ANK3: variants seen among roughly 807,000 people sequenced by gnomAD.
The protein encoded by ANK3 is ankyrin-3.
Under a neutral mutation model 370.9 loss-of-function variants are expected in ANK3, and 57 were observed. The observed-to-expected ratio is 0.15, with a 90% confidence interval of 0.12 to 0.19. ANK3 has a LOEUF of 0.19. Ranked by LOEUF, ANK3 falls within the 10% of genes least tolerant of loss-of-function variation. ANK3 has a pLI of 1.00. For synonymous variants in ANK3, 1,929 were observed against 1,946.3 expected (o/e 0.99, Z 0.23); for missense variants, 4,439 against 5,302.1 (o/e 0.84, Z 5.06).
intron 2 of ANK3, among the ~76,000 whole-genome samples, chr10:60,491,147 T>C (rs1051483511): frequency 6.0e-5 from 9 of 150,910 alleles, no homozygotes; most frequent in African/African-American, 2.2e-4. Flanking sequence ...TAGTATTTCA[T>C]TCTATGAATA....
intron 25 of ANK3, among the ~76,000 whole-genome samples, chr10:60,134,006 TGACCTAGA>T: frequency 6.6e-6 from 1 of 152,308 alleles, no homozygotes; most frequent in South Asian, 2.1e-4. Context: ...GAAATAGATT[TGACCTAGA>T]GAAGAGAAAG....
intron 23 of ANK3, chr10:60,139,301 C>T: frequency 2.0e-6 from 1 of 506,168 alleles, no homozygotes; most frequent in East Asian, 3.2e-5. Flanking sequence ...GTAGCGGAAA[C>T]AACTCCTGGT....
chr10:60,406,455 A>G (rs2063458237), intron 2 of ANK3, among the ~76,000 whole-genome samples: 1 of 152,200 alleles, frequency 6.6e-6, no homozygotes, highest in Admixed American at 6.5e-5. Context: ...ATCAGGCATT[A>G]GTTAGATTCT....
chr10:60,249,810 A>G (rs982164952), intron 7 of ANK3, among the ~76,000 whole-genome samples: 1 of 152,108 alleles, frequency 6.6e-6, no homozygotes, highest in African/African-American at 2.4e-5. Flanking sequence ...GAGGCTGCCC[A>G]CTGAGCACCG....
At chr10:60,396,415 C>T (rs1233987638) in intron 2 of ANK3, among the ~76,000 whole-genome samples, 1 of 152,162 alleles carries the variant, frequency 6.6e-6, no homozygotes, top group Non-Finnish European at 1.5e-5. Context: ...TGAAGACTGA[C>T]TGGTTTCTCA....
At chr10:60,252,236 T>A (rs546712983) in intron 7 of ANK3, among the ~76,000 whole-genome samples, 1 of 152,128 alleles carries the variant, frequency 6.6e-6, no homozygotes, top group Non-Finnish European at 1.5e-5. Context: ...AAGAGCAATG[T>A]TTTTTTCACT....
chr10:60,690,113 C>T (rs1412753051), intron 1 of ANK3, among the ~76,000 whole-genome samples: 1 of 152,174 alleles, frequency 6.6e-6, no homozygotes, highest in African/African-American at 2.4e-5. Flanking sequence ...ATCTGAGGAT[C>T]GTTCCAAGAT....
rs1469870136 is a variant in ANK3, at chr10:60,075,041, A to G, written c.5840T>C (p.Ile1947Thr). The change falls in exon 37 of 44, where the codon ATT (isoleucine) becomes ACT (threonine). Residue 1947 changes from isoleucine (I) to threonine (T), a missense_variant. Ile to Thr is a moderately conservative substitution (Grantham distance 89). This residue lies in a region of ANK3 where 679 missense variants were observed against 791.0 expected (regional missense o/e 0.86). Transcript: ENST00000280772. ...TAAGTCTTCCTTTACTTTCTCTACAATTTTGAAAGGTTCTTCATCATCTAT... is the reference window on the plus strand; with the variant it reads ...TAAGTCTTCCTTTACTTTCTCTACAGTTTTGAAAGGTTCTTCATCATCTAT... Reference protein sequence around the residue: ...GRIDDEEPFKIVEKVKEDLVK... With the variant: ...GRIDDEEPFKTVEKVKEDLVK... The G allele has an allele frequency of 6.2e-7, 1 of 1,613,730 alleles. No homozygotes were observed. The highest frequency in any genetic ancestry group is 8.5e-7 in the Non-Finnish European group (1 of 1,179,970).
At chr10:60,142,225 A>G (rs1443366485) in intron 23 of ANK3, among the ~76,000 whole-genome samples, 1 of 152,134 alleles carries the variant, frequency 6.6e-6, no homozygotes, top group Non-Finnish European at 1.5e-5. Context: ...AGAAGTCCTT[A>G]AACTCTTTAG....
At chr10:60,375,143 T>C (rs555883017) in intron 1 of ANK3, among the ~76,000 whole-genome samples, 1 of 152,308 alleles carries the variant, frequency 6.6e-6, no homozygotes, top group African/African-American at 2.4e-5. Flanking sequence ...ACAATGGACA[T>C]CTATTTAGAT....
chr10:60,177,550 T>A (rs1338979159), intron 18 of ANK3, among the ~76,000 whole-genome samples: 2 of 151,992 alleles, frequency 1.3e-5, no homozygotes, highest in Non-Finnish European at 2.9e-5. Context: ...CTCCTGAATT[T>A]CCTGCTTCTC....
intron 29 of ANK3, 116 bp downstream of exon 29, chr10:60,088,031 C>G (rs1281413942): frequency 2.5e-6 from 2 of 801,266 alleles, no homozygotes; most frequent in African/African-American, 3.4e-5. Flanking sequence ...AAATGATTCC[C>G]CAAACGGCCT....
At chr10:60,230,673 G>A (rs1455009099) in intron 8 of ANK3, among the ~76,000 whole-genome samples, 3 of 152,080 alleles carry the variant, frequency 2.0e-5, no homozygotes, top group African/African-American at 4.8e-5. Context: ...GGCAGATCAC[G>A]AGGTCAGGAG....
chr10:60,589,395 A>G (rs980964335), intron 2 of ANK3, among the ~76,000 whole-genome samples: 1 of 152,232 alleles, frequency 6.6e-6, no homozygotes, highest in African/African-American at 2.4e-5. Context: ...CCTAAAATCC[A>G]AATGCCTAGT....
rs1189001667 is a variant in ANK3, at chr10:60,076,144, C to A, written c.4737G>T (p.Ser1579=). ...ATTGTGACACCACAGTTTTTATCGG[C>A]GAAGACATTGTCCGAAAGGATCTAA... ...SPIRSFRTMS[S]PIKTVVSQSP... Residue 1579 remains serine, a synonymous_variant, in exon 37 of 44, where the codon TCG becomes TCT. Transcript: ENST00000280772. The A allele has an allele frequency of 1.9e-6, 3 of 1,614,128 alleles. No homozygotes were observed. Among genetic ancestry groups the A allele is most frequent in the South Asian group, 1.1e-5 (1 of 91,082 alleles).
At chr10:60,733,364 T>A in exon 1 of ANK3, 4 of 1,226,832 alleles carry the variant, frequency 3.3e-6, no homozygotes, top group Non-Finnish European at 4.1e-6. Flanking sequence ...CTCCAGTCTC[T>A]CCTCCCCGTC....
chr10:60,496,426 C>T (rs776090865), intron 2 of ANK3, among the ~76,000 whole-genome samples: 37 of 152,202 alleles, frequency 2.4e-4, no homozygotes, highest in Admixed American at 2.0e-4. Flanking sequence ...AAGATAAGCT[C>T]AAAACAAACC....
intron 1 of ANK3, among the ~76,000 whole-genome samples, chr10:60,282,480 G>C (rs576876137): frequency 1.3e-5 from 2 of 152,118 alleles, no homozygotes; most frequent in African/African-American, 4.8e-5. Context: ...TAAAGGTGAT[G>C]AATAAATTAT....
chr10:60,234,701 T>A lies in ANK3; in HGVS notation c.884A>T (p.Asp295Val), dbSNP rs752563117. The A allele has an allele frequency of 7.4e-6, 12 of 1,612,530 alleles. No individual in the cohort carries two copies. Among genetic ancestry groups the A allele is most frequent in the Admixed American group, 3.3e-5 (2 of 59,964 alleles). Residue 295 changes from aspartate to valine, a missense_variant, in exon 8 of 44, where the codon GAT becomes GTT. By Grantham distance (152) the Asp-to-Val change is radical (BLOSUM62 -3). This residue lies in a region of ANK3 where 227 missense variants were observed against 377.6 expected (regional missense o/e 0.60). Coordinates refer to ENST00000280772, the MANE Select transcript of ANK3 (RefSeq NM_020987.5). The part of the protein sequence containing the change: ...KLLLDRGAKI[D>V]AKTRDGLTPL... ...TTGCACACTTACCCTGGTTTTGGCA[T>A]CGATTTTAGCTCCTCGATCGAGCAA...
Sources: gnomAD v4.1 joint callset for allele counts (sites outside exome capture counted in the v4.1 genomes callset) on GRCh38, gnomAD v4.1.1 for gene constraint, gnomAD v4.1.1 regional missense constraint, MANE v1.5 for transcripts, NCBI Gene and HGNC (gene_info 2026-07-23, HGNC 2026-07-21) for gene names.